Variants in CAST observed in about 807,000 individuals in gnomAD.
CAST encodes the protein MIR583 host.
A neutral mutation model predicts 119.6 loss-of-function variants in CAST; 76 were observed. The ratio of observed to expected loss-of-function variants is 0.64; its 90% CI spans 0.53 to 0.77. The LOEUF is 0.77. Ranked by LOEUF, CAST falls within the 30% of genes least tolerant of loss-of-function variation. The pLI is 0.00. For synonymous variants in CAST, 319 were observed against 331.6 expected (o/e 0.96, Z 0.41); for missense variants, 953 against 946.5 (o/e 1.01, Z -0.09).
At chr5:96,286,907 T>C in the CAST span, among the ~76,000 whole-genome samples, 29 of 152,160 alleles carry the variant, frequency 1.9e-4, no homozygotes, top group African/African-American at 6.5e-4. Flanking sequence ...TCACAGTAAT[T>C]CAATTAGGTG....
the CAST span, among the ~76,000 whole-genome samples, chr5:96,240,914 T>C: frequency 2.0e-5 from 3 of 152,200 alleles, no homozygotes; most frequent in Middle Eastern, 6.8e-3. Context: ...GGATAAAGTA[T>C]ACTTAATTCA....
chr5:96,142,713 A>G, the CAST span, among the ~76,000 whole-genome samples: 2 of 152,216 alleles, frequency 1.3e-5, no homozygotes, highest in African/African-American at 2.4e-5. Context: ...GTGGAGGTGC[A>G]GTGGGAAAAT....
chr5:96,051,185 A>AT, the CAST span, among the ~76,000 whole-genome samples: 1 of 152,024 alleles, frequency 6.6e-6, no homozygotes, highest in East Asian at 2.0e-4. Context: ...TTGATGCTTG[A>AT]TTTTTCATTC....
chr5:96,471,847 T>A, the CAST span, among the ~76,000 whole-genome samples: 2 of 151,086 alleles, frequency 1.3e-5, no homozygotes, highest in Non-Finnish European at 2.9e-5. Flanking sequence ...TTAGCTTACA[T>A]TTTTTTTCTA....
chr5:96,320,573 C>T, the CAST span, among the ~76,000 whole-genome samples: 1 of 152,222 alleles, frequency 6.6e-6, no homozygotes, highest in East Asian at 1.9e-4. Flanking sequence ...AGCACTGGGG[C>T]TCCTGGATTA....
chr5:96,133,348 C>T, the CAST span, among the ~76,000 whole-genome samples: 2 of 151,350 alleles, frequency 1.3e-5, no homozygotes, highest in South Asian at 4.2e-4. Context: ...AAGCCTCCCT[C>T]AATGAGGTAA....
intron 1 of CAST, among the ~76,000 whole-genome samples, chr5:96,539,286 T>C (rs1279784287): frequency 6.6e-6 from 1 of 152,234 alleles, no homozygotes; most frequent in Non-Finnish European, 1.5e-5. Context: ...CTTTATATCA[T>C]GCCAATTGTT....
intron 1 of CAST, among the ~76,000 whole-genome samples, chr5:96,545,472 A>C (rs1046609690): frequency 3.3e-5 from 5 of 152,338 alleles, no homozygotes; most frequent in Admixed American, 1.3e-4. Flanking sequence ...CAAGGAAGGC[A>C]AATCCATATA....
At chr5:96,109,937 A>C in the CAST span, among the ~76,000 whole-genome samples, 1 of 152,104 alleles carries the variant, frequency 6.6e-6, no homozygotes, top group South Asian at 2.1e-4. Flanking sequence ...AAATGATAAA[A>C]AAAAAAGAAA....
the CAST span, among the ~76,000 whole-genome samples, chr5:96,460,180 T>C: frequency 6.6e-6 from 1 of 152,152 alleles, no homozygotes; most frequent in Non-Finnish European, 1.5e-5. Flanking sequence ...ATGTCCTGCA[T>C]ATTAGCTGCA....
chr5:96,340,608 G>A, the CAST span, among the ~76,000 whole-genome samples: 7 of 152,160 alleles, frequency 4.6e-5, no homozygotes, highest in Non-Finnish European at 8.8e-5. Flanking sequence ...AGGAGCAATG[G>A]CCAACAGAGA....
intron 3 of CAST, among the ~76,000 whole-genome samples, chr5:96,707,888 G>T (rs1581056133): frequency 6.6e-6 from 1 of 152,060 alleles, no homozygotes; most frequent in African/African-American, 2.4e-5. Context: ...TATGAGTGCT[G>T]TTCCCACCAA....
chr5:96,734,698 G>C (rs1409012415), intron 9 of CAST, among the ~76,000 whole-genome samples: 1 of 152,114 alleles, frequency 6.6e-6, no homozygotes, highest in Non-Finnish European at 1.5e-5. Flanking sequence ...GAGAATGAGT[G>C]CCTTTTTAAA....
At chr5:96,611,023 T>C (rs771874233) in intron 1 of CAST, among the ~76,000 whole-genome samples, 4 of 152,136 alleles carry the variant, frequency 2.6e-5, no homozygotes, top group Non-Finnish European at 5.9e-5. Context: ...GAAGAAATCA[T>C]AAATGACACA....
chr5:96,363,311 A>G, the CAST span, among the ~76,000 whole-genome samples: 2 of 148,968 alleles, frequency 1.3e-5, no homozygotes, highest in Non-Finnish European at 1.5e-5. Context: ...TTGACTTGGC[A>G]ATGTGGGCTC....
the CAST span, among the ~76,000 whole-genome samples, chr5:96,256,000 T>C: frequency 6.6e-6 from 1 of 152,020 alleles, no homozygotes; most frequent in South Asian, 2.1e-4. Flanking sequence ...GAGACTTAAA[T>C]GTGCAAGAGA....
At chr5:96,502,410 T>C in the CAST span, among the ~76,000 whole-genome samples, 4 of 152,084 alleles carry the variant, frequency 2.6e-5, no homozygotes, top group Non-Finnish European at 5.9e-5. Context: ...GTATTTCTTT[T>C]TTAATTAAAG....
the CAST span, among the ~76,000 whole-genome samples, chr5:96,491,864 T>C: frequency 6.6e-5 from 10 of 152,382 alleles, no homozygotes; most frequent in East Asian, 5.8e-4. Flanking sequence ...TCAAACATAA[T>C]TGGCGAGAAA....
At chr5:96,421,520 CAT>C in the CAST span, among the ~76,000 whole-genome samples, 1 of 152,122 alleles carries the variant, frequency 6.6e-6, no homozygotes, top group Admixed American at 6.5e-5. Context: ...TCATGACTAA[CAT>C]AAAGCATGTT....
Sources: allele counts gnomAD v4.1 joint callset (sites outside exome capture counted in the v4.1 genomes callset), GRCh38; gene constraint gnomAD v4.1.1; transcripts MANE v1.5; gene names NCBI Gene and HGNC (gene_info 2026-07-23, HGNC 2026-07-21).